Variants in ATP8A2 observed in about 807,000 individuals in gnomAD.
ATP8A2 encodes ATPase phospholipid transporting 8A2, also known as phospholipid-transporting ATPase IB.
A neutral mutation model predicts 165.6 loss-of-function variants in ATP8A2; 100 were observed. That is an observed-to-expected ratio of 0.60 (90% CI 0.51 to 0.71). The LOEUF (loss-of-function observed/expected upper bound fraction) is 0.71, where lower values mean the gene tolerates loss of function less well. ATP8A2 is among the 30% of genes least tolerant of loss of function. The pLI is 0.00. For missense variants in ATP8A2, 1,227 were observed against 1,479.5 expected (o/e 0.83, Z 2.80); for synonymous variants, 543 against 548.8 (o/e 0.99, Z 0.15).
At chr13:25,884,063 C>G (rs1343844372) in intron 33 of ATP8A2, among the ~76,000 whole-genome samples, 1 of 152,096 alleles carries the variant, frequency 6.6e-6, no homozygotes, top group East Asian at 1.9e-4. Context: ...TGGGGTTCTT[C>G]AGACTTACCT....
intron 24 of ATP8A2, among the ~76,000 whole-genome samples, chr13:25,683,545 T>A (rs1228749660): frequency 1.3e-5 from 2 of 152,188 alleles, no homozygotes; most frequent in Non-Finnish European, 2.9e-5. Context: ...TCAACTGAAG[T>A]GCCAGGATGC....
At chr13:25,714,830 G>T (rs1489727740) in intron 25 of ATP8A2, among the ~76,000 whole-genome samples, 1 of 152,148 alleles carries the variant, frequency 6.6e-6, no homozygotes, top group Non-Finnish European at 1.5e-5. Context: ...TTATCTCCAT[G>T]TTCTTGGCTA....
At chr13:25,950,084 G>GCCA (rs747497685) in intron 33 of ATP8A2, among the ~76,000 whole-genome samples, 5 of 152,176 alleles carry the variant, frequency 3.3e-5, no homozygotes, top group Non-Finnish European at 7.4e-5. Context: ...ACAGGTGTGA[G>GCCA]CCACCGCTCC....
intron 24 of ATP8A2, among the ~76,000 whole-genome samples, chr13:25,687,507 G>C (rs1454125448): frequency 6.6e-6 from 1 of 151,852 alleles, no homozygotes; most frequent in Non-Finnish European, 1.5e-5. Context: ...CCACATCCCA[G>C]CAGGCCTTCC....
At chr13:25,977,046 C>G (rs1347780897) in intron 35 of ATP8A2, among the ~76,000 whole-genome samples, 3 of 145,692 alleles carry the variant, frequency 2.1e-5, no homozygotes, top group African/African-American at 7.7e-5. Flanking sequence ...CCCCCACCCC[C>G]CTTCCCTGCC....
rs1957076362 is a variant in ATP8A2 at position 26,021,119 on chromosome 13, A to AGAG, written c.*1135_*1137dup. 6.6e-6 allele frequency: 1 copy of AGAG among 152,260 alleles called. No homozygotes were observed. The highest frequency in any genetic ancestry group is 1.5e-5 in the Non-Finnish European group (1 of 68,052). 9.4% of individuals were successfully genotyped at this position (152,260 alleles called of 1,614,324 possible). A position where few individuals can be genotyped will look rare whatever the true frequency, so the allele number is the denominator to read the frequency against. ...GAACACACCTGTCGCTCTTAGCTCT[A>AGAG]GAGTCAGAGGATGAGTAAACCCAGA... On this transcript the variant is annotated 3_prime_UTR_variant, in exon 37 of 37. Transcript: ENST00000381655.
chr13:25,839,887 C>T (rs1334431626), intron 30 of ATP8A2, among the ~76,000 whole-genome samples: 1 of 152,140 alleles, frequency 6.6e-6, no homozygotes, highest in Non-Finnish European at 1.5e-5. Flanking sequence ...GTTTTAAAAA[C>T]TATTTGAGTC....
intron 17 of ATP8A2, among the ~76,000 whole-genome samples, 169 bp downstream of exon 17, chr13:25,571,041 C>T (rs574512864): frequency 6.6e-6 from 1 of 152,286 alleles, no homozygotes; most frequent in Admixed American, 6.5e-5. Context: ...GTAGAGAGCC[C>T]GGGATGGGCT....
intron 1 of ATP8A2, among the ~76,000 whole-genome samples, chr13:25,452,133 G>A (rs769321637): frequency 5.3e-5 from 8 of 152,128 alleles, no homozygotes; most frequent in Non-Finnish European, 7.4e-5. Flanking sequence ...GATTACAGGC[G>A]TGAGCCACCG....
intron 6 of ATP8A2, among the ~76,000 whole-genome samples, chr13:25,537,647 T>A (rs1678311566): frequency 6.6e-6 from 1 of 152,206 alleles, no homozygotes; most frequent in African/African-American, 2.4e-5. Context: ...GTGACCGTTC[T>A]ACCCTACTGT....
At chr13:25,666,541 G>C (rs2042159523) in intron 24 of ATP8A2, among the ~76,000 whole-genome samples, 1 of 152,162 alleles carries the variant, frequency 6.6e-6, no homozygotes, top group Non-Finnish European at 1.5e-5. Flanking sequence ...CGCCCGGCCA[G>C]AATATTAGTT....
intron 25 of ATP8A2, among the ~76,000 whole-genome samples, chr13:25,758,021 G>A (rs1490854553): frequency 6.6e-6 from 1 of 152,146 alleles, no homozygotes; most frequent in African/African-American, 2.4e-5. Flanking sequence ...TGTTTAGGTT[G>A]CCGCTGTTAA....
intron 24 of ATP8A2, among the ~76,000 whole-genome samples, chr13:25,632,382 T>C (rs1482804833): frequency 6.6e-6 from 1 of 152,098 alleles, no homozygotes; most frequent in Non-Finnish European, 1.5e-5. Context: ...CCTGCCTCGG[T>C]CTTTCCTGTT....
At chr13:25,958,631 T>C (rs1033339538) in intron 33 of ATP8A2, among the ~76,000 whole-genome samples, 2 of 152,190 alleles carry the variant, frequency 1.3e-5, no homozygotes, top group African/African-American at 2.4e-5. Context: ...ATGTAAATGG[T>C]CAGTAGATCA....
At chr13:25,531,170 A>C (rs2038026844) in intron 4 of ATP8A2, among the ~76,000 whole-genome samples, 2 of 137,658 alleles carry the variant, frequency 1.5e-5, no homozygotes, top group African/African-American at 5.4e-5. Flanking sequence ...TATATATGTT[A>C]TATGATATAT....
intron 2 of ATP8A2, chr13:25,517,003 A>T (rs985420545): frequency 6.6e-6 from 1 of 150,602 alleles, no homozygotes; most frequent in African/African-American, 2.4e-5. Flanking sequence ...CTGGCCTCGA[A>T]CTCCTGACCT....
At chr13:26,000,700 C>CAAAA (rs5802358) in intron 35 of ATP8A2, among the ~76,000 whole-genome samples, 1,557 of 109,436 alleles carry the variant, frequency 0.014, 23 homozygotes, top group East Asian at 0.065. Flanking sequence ...AGTACAGAGC[C>CAAAA]AAAAAAAAAA....
chr13:25,943,003 G>A (rs1955111839), intron 33 of ATP8A2, among the ~76,000 whole-genome samples: 1 of 152,074 alleles, frequency 6.6e-6, no homozygotes, highest in Non-Finnish European at 1.5e-5. Context: ...GGTTTTTCAT[G>A]TCCCCGCTGA....
chr13:25,927,355 G>C (rs1407567527), intron 33 of ATP8A2: 1 of 362,612 alleles, frequency 2.8e-6, no homozygotes, highest in Non-Finnish European at 5.6e-6. Context: ...AAATAAATCA[G>C]GTTTGACTTT....
Sources: gnomAD v4.1 joint callset for allele counts (sites outside exome capture counted in the v4.1 genomes callset) on GRCh38, gnomAD v4.1.1 for gene constraint, MANE v1.5 for transcripts, NCBI Gene and HGNC (gene_info 2026-07-23, HGNC 2026-07-21) for gene names.